Variants in MTOR observed in about 807,000 individuals in gnomAD.
MTOR encodes mechanistic target of rapamycin kinase, also known as serine/threonine-protein kinase mTOR.
In MTOR, 70 loss-of-function variants were observed where a neutral mutation model predicts 319.8. That is an observed-to-expected ratio of 0.22 (90% CI 0.18 to 0.27). The LOEUF (loss-of-function observed/expected upper bound fraction) is 0.27. Among genes scored for constraint, MTOR ranks in the 10% least tolerant of loss-of-function variants. The probability of loss-of-function intolerance (pLI) is 1.00; values close to 1 mark genes in which losing one functional copy is unlikely to be tolerated. For synonymous variants in MTOR, 1,183 were observed against 1,211.4 expected, an observed-to-expected ratio of 0.98 and a Z score of 0.49; for missense variants, 1,890 against 3,274.4, an observed-to-expected ratio of 0.58 and a Z score of 10.32.
intron 47 of MTOR, among the ~76,000 whole-genome samples, chr1:11,123,061 T>A (rs1177717313): frequency 1.3e-5 from 2 of 152,110 alleles, no homozygotes; most frequent in African/African-American, 4.8e-5. Flanking sequence ...TGGGAAAGGT[T>A]TGGCTTTCAT....
At chr1:11,166,092 T>C (rs533222242) in intron 29 of MTOR, among the ~76,000 whole-genome samples, 26 of 152,272 alleles carry the variant, frequency 1.7e-4, no homozygotes, top group African/African-American at 6.3e-4. Context: ...CAAAAATCAA[T>C]TCAAGATGGA....
intron 34 of MTOR, among the ~76,000 whole-genome samples, chr1:11,140,484 G>T (rs147432393): frequency 8.5e-5 from 13 of 152,292 alleles, no homozygotes; most frequent in African/African-American, 3.1e-4. Context: ...CTCACCTCCT[G>T]CTGTGCCTCC....
intron 8 of MTOR, 35 bp from the exon 9 acceptor site, chr1:11,243,335 G>A (rs1285290675): frequency 6.2e-7 from 1 of 1,602,636 alleles, no homozygotes; most frequent in Non-Finnish European, 8.5e-7. Context: ...ATAGCTCCAG[G>A]TCAGGGTTAG....
In MTOR at chr1:11,200,084, G is replaced by T. The variant is rs182982643; in HGVS notation, c.3945-381C>A. On this transcript the variant is annotated intron_variant, in intron 26 of 57. Transcript: ENST00000361445. ...TTCTCCAAAGGAATATTTCTTGGCA[G>T]TTTTTGCATTATTTCTCTTCACTGG... is the stretch of plus-strand genomic sequence containing the variant. Among the ~76,000 whole-genome samples the T allele has an allele frequency of 5.1e-3, 770 of 152,292 alleles. 7 individuals are homozygous for T. The highest frequency in any genetic ancestry group is 8.5e-3 in the Non-Finnish European group (577 of 68,024).
intron 11 of MTOR, among the ~76,000 whole-genome samples, chr1:11,239,319 G>C (rs1020912509): frequency 2.0e-5 from 3 of 152,098 alleles, no homozygotes; most frequent in African/African-American, 7.2e-5. Context: ...CAGACAAAGA[G>C]TCTGTGTAGG....
At chr1:11,201,504 C>G (rs202146577) in intron 26 of MTOR, among the ~76,000 whole-genome samples, 1 of 152,166 alleles carries the variant, frequency 6.6e-6, no homozygotes, top group African/African-American at 2.4e-5. Context: ...CAGCTGCTGA[C>G]AAAAATGAAG....
chr1:11,157,070 G>A lies in MTOR; in HGVS notation c.4469+82C>T, dbSNP rs150605473. The A allele has an allele frequency of 3.4e-4, 504 of 1,476,958 alleles. 3 individuals carry two copies. The African/African-American group carries it at 6.4e-3, about 19-fold the overall frequency. The allele number at this position is 1,476,958 out of a possible 1,614,324, so 91.5% of individuals were successfully genotyped here. A position where few individuals can be genotyped will look rare whatever the true frequency, so the allele number is the denominator to read the frequency against. ...GAGTCTGAAGTGAGAACTCCGTGTG[G>A]GGGAAGCCTTCCTTTCAAATCCAAA... On this transcript the variant is annotated intron_variant, in intron 30 of 57. Transcript: ENST00000361445.
chr1:11,134,343 G>C lies in MTOR; in HGVS notation c.5246+8C>G, dbSNP rs185062807. On this transcript the variant is annotated splice_region_variant and intron_variant, in intron 37 of 57. Coordinates refer to ENST00000361445, the MANE Select transcript of MTOR (RefSeq NM_004958.4). ...ATATGACTTGCCCCAGGTCAGTGGG[G>C]ACCTCACCGGGCCATGAGCTTGTGC... The C allele has an allele frequency of 2.9e-3, 4,614 of 1,612,826 alleles. 145 individuals are homozygous for C. In the Admixed American group the frequency reaches 0.062, roughly 22 times the overall value.
chr1:11,256,299 G>T (rs969046105), intron 4 of MTOR, 107 bp from the exon 5 acceptor site: 4 of 1,473,688 alleles, frequency 2.7e-6, no homozygotes, highest in African/African-American at 1.4e-5. Context: ...AACAGAGAAG[G>T]CTTGCTCACT....
intron 31 of MTOR, among the ~76,000 whole-genome samples, chr1:11,148,336 C>T (rs1252882579): frequency 6.6e-6 from 1 of 152,120 alleles, no homozygotes; most frequent in Admixed American, 6.5e-5. Context: ...TTTAGGCAAC[C>T]AAAGCCAAAT....
intron 10 of MTOR, 54 bp downstream of exon 10, chr1:11,241,498 AC>A: frequency 6.4e-7 from 1 of 1,559,488 alleles, no homozygotes. Flanking sequence ...CAGTCCCAAC[AC>A]TGGGGGCCAA....
intron 21 of MTOR, among the ~76,000 whole-genome samples, 187 bp from the exon 22 acceptor site, chr1:11,213,095 T>C (rs188438448): frequency 2.6e-5 from 4 of 152,376 alleles, no homozygotes; most frequent in African/African-American, 9.6e-5. Flanking sequence ...ACATATTACT[T>C]TGCTTTCTCT....
intron 28 of MTOR, among the ~76,000 whole-genome samples, chr1:11,197,481 G>A (rs1275179604): frequency 6.6e-6 from 1 of 152,200 alleles, no homozygotes; most frequent in Non-Finnish European, 1.5e-5. Context: ...TGACTTAGCT[G>A]AGGACACCCA....
At chr1:11,229,896 G>A (rs1004699076) in intron 18 of MTOR, among the ~76,000 whole-genome samples, 8 of 152,248 alleles carry the variant, frequency 5.3e-5, no homozygotes, top group African/African-American at 1.9e-4. Context: ...AGGATCACTT[G>A]AGCCCAGGAG....
In MTOR at chr1:11,112,889, T is replaced by C. The variant is rs2100304975; in HGVS notation, c.7329A>G (p.Arg2443=). The C allele has an allele frequency of 6.2e-7, 1 of 1,614,236 alleles. No individual in the cohort carries two copies. The highest frequency in any genetic ancestry group is 1.3e-5 in the African/African-American group (1 of 75,072). The change falls in exon 54 of 58, where the codon CGA becomes CGG. Residue 2443 remains arginine (R), a synonymous_variant. Transcript: ENST00000361445. ...DTNTKGNKRS[R]TRTDSYSAGQ... ...CAGCAGAGTAGGAATCCGTCCTCGT[T>C]CGGGATCGCTTGTTGCCTTTGGTAT...
In MTOR at chr1:11,106,977, C is replaced by A; in HGVS notation, c.*508G>T. On this transcript the variant is annotated 3_prime_UTR_variant, in exon 58 of 58. Transcript: ENST00000361445. ...ATCTTGCAAACATTTCTGCTGCTGTCCACAGACCAGTGAGGTCTTGGGATA... is the reference window on the plus strand; with the variant it reads ...ATCTTGCAAACATTTCTGCTGCTGTACACAGACCAGTGAGGTCTTGGGATA... The A allele has an allele frequency of 7.3e-7, 1 of 1,370,706 alleles. No homozygotes were observed. The highest frequency in any genetic ancestry group is 9.6e-7 in the Non-Finnish European group (1 of 1,038,852). The allele number at this position is 1,370,706 out of a possible 1,614,324, so 84.9% of individuals were successfully genotyped here.
intron 28 of MTOR, chr1:11,190,063 C>A (rs571813536): frequency 1.5e-6 from 2 of 1,332,910 alleles, no homozygotes; most frequent in Non-Finnish European, 2.0e-6. Context: ...TTTGTGGGTA[C>A]ACTTTCCCTT....
intron 34 of MTOR, among the ~76,000 whole-genome samples, chr1:11,143,020 C>T (rs909950836): frequency 6.6e-6 from 1 of 152,204 alleles, no homozygotes; most frequent in Non-Finnish European, 1.5e-5. Flanking sequence ...AGCCAAATTT[C>T]CACTATAAAT....
chr1:11,153,899 T>C (rs1271799731), intron 30 of MTOR, among the ~76,000 whole-genome samples: 1 of 150,668 alleles, frequency 6.6e-6, no homozygotes, highest in Admixed American at 6.6e-5. Context: ...CGAAACCCCA[T>C]CTCCATTAAA....
Sources: gnomAD v4.1 joint callset for allele counts (sites outside exome capture counted in the v4.1 genomes callset) on GRCh38, gnomAD v4.1.1 for gene constraint, MANE v1.5 for transcripts, NCBI Gene and HGNC (gene_info 2026-07-23, HGNC 2026-07-21) for gene names.